Variants in BTD observed in about 807,000 individuals in gnomAD.
BTD encodes biocytinase.
Under a neutral mutation model 17.7 loss-of-function variants are expected in BTD, and 13 were observed. The observed-to-expected ratio is 0.74, with a 90% confidence interval of 0.48 to 1.17. The LOEUF is 1.17. Ranked by LOEUF, BTD falls within the 50% of genes most tolerant of loss-of-function variation. The pLI, the probability that BTD is intolerant of heterozygous loss-of-function variation, is 0.00. For synonymous variants in BTD, 240 were observed against 245.2 expected (o/e 0.98, Z 0.20); for missense variants, 674 against 650.4 (o/e 1.04, Z -0.39).
rs1242168534 is a variant in BTD, at chr3:15,647,614, A to G, written c.*2126A>G. ...TGACAGAACAAAGTAGAGGACGGGA[A>G]AATAAATCATTTTCAGGGAAAAAAT... On this transcript the variant is annotated 3_prime_UTR_variant, in exon 4 of 4. Transcript: ENST00000643237. 2 of 152,248 alleles carry G rather than the reference A, an allele frequency of 1.3e-5. No individual in the cohort carries two copies. The highest frequency in any genetic ancestry group is 4.8e-5 in the African/African-American group (2 of 41,468). 9.4% of individuals were successfully genotyped at this position (152,248 alleles called of 1,614,324 possible).
chr3:15,701,167 C>G (rs2070543339), intron 3 of BTD, among the ~76,000 whole-genome samples: 1 of 152,148 alleles, frequency 6.6e-6, no homozygotes, highest in Admixed American at 6.5e-5. Flanking sequence ...ATATGAGAGC[C>G]ATTATTTCAA....
rs144124322 is a variant in BTD, at chr3:15,631,410, C to T, written c.-16-4014C>T. 3.1e-3 allele frequency: 4,752 copies of T among 1,509,116 alleles called. 8 individuals carry two copies. Among genetic ancestry groups the T allele is most frequent in the Admixed American group, 5.3e-3 (267 of 50,474 alleles). The allele number at this position is 1,509,116 out of a possible 1,614,324, so 93.5% of individuals were successfully genotyped here. ...ATTAAGAATGCCTTAATAATAATCCCTCTCATTTTATTTCAGAAGACACTA... is the reference window on the plus strand; with the variant it reads ...ATTAAGAATGCCTTAATAATAATCCTTCTCATTTTATTTCAGAAGACACTA... On this transcript the variant is annotated intron_variant, in intron 1 of 3. Coordinates refer to ENST00000643237, the MANE Select transcript of BTD (RefSeq NM_001370658.1).
At chr3:15,707,943 T>G in intron 3 of BTD, 2 of 1,613,410 alleles carry the variant, frequency 1.2e-6, no homozygotes, top group Non-Finnish European at 1.7e-6. Context: ...GTGTCTGATG[T>G]AGCTGCATAG....
chr3:15,603,061 T>G (rs959417499), intron 1 of BTD, among the ~76,000 whole-genome samples: 1 of 152,068 alleles, frequency 6.6e-6, no homozygotes, highest in Admixed American at 6.6e-5. Context: ...AGACTTACTA[T>G]CATTAGAACA....
At chr3:15,642,388 C>A in intron 3 of BTD, 2 of 642,118 alleles carry the variant, frequency 3.1e-6, no homozygotes, top group Non-Finnish European at 4.9e-6. Context: ...AGAGAAACTG[C>A]CATCAACAAT....
chr3:15,612,987 G>A (rs1223937020), intron 1 of BTD, among the ~76,000 whole-genome samples: 1 of 152,166 alleles, frequency 6.6e-6, no homozygotes, highest in East Asian at 1.9e-4. Context: ...AAGGTCAGCC[G>A]GGGAGAGAGT....
intron 1 of BTD, among the ~76,000 whole-genome samples, chr3:15,619,520 A>G (rs1416568366): frequency 6.6e-6 from 1 of 152,198 alleles, no homozygotes; most frequent in Non-Finnish European, 1.5e-5. Flanking sequence ...TCACTTAGTC[A>G]TGGTGTATAA....
intron 3 of BTD, among the ~76,000 whole-genome samples, chr3:15,674,255 G>T (rs2066704983): frequency 6.7e-6 from 1 of 150,192 alleles, no homozygotes; most frequent in Non-Finnish European, 1.5e-5. Flanking sequence ...AAGGATCCAG[G>T]TCAGTCTGGT....
Position 15,649,781 on chromosome 3 carries a change from C to T in BTD, c.*4293C>T, listed in dbSNP as rs1419712163. ...ACTTTTTGAACTGGTGTTTCCCATT[C>T]CCAGTTCACAGAGCCCTTTCTCATT... is the stretch of plus-strand genomic sequence containing the variant. On this transcript the variant is annotated 3_prime_UTR_variant, in exon 4 of 4. Coordinates refer to ENST00000643237, the MANE Select transcript of BTD (RefSeq NM_001370658.1). Among the ~76,000 whole-genome samples the T allele has an allele frequency of 6.6e-6, 1 of 152,188 alleles. No individual in the cohort carries two copies. The highest frequency in any genetic ancestry group is 1.5e-5 in the Non-Finnish European group (1 of 68,042).
rs1164068827 is a variant in BTD, at chr3:15,650,469, T to C, written c.*4981T>C. On this transcript the variant is annotated 3_prime_UTR_variant, in exon 4 of 4. Coordinates refer to ENST00000643237, the MANE Select transcript of BTD (RefSeq NM_001370658.1). ...AAAAAAGAATATATTAACTCGTAAC[T>C]GGGGAGTCTAAGAATAAATTCTCTT... is the stretch of plus-strand genomic sequence containing the variant. Among the ~76,000 whole-genome samples, 1 of 152,002 alleles carries C rather than the reference T, an allele frequency of 6.6e-6. No homozygotes were observed. Among genetic ancestry groups the C allele is most frequent in the Non-Finnish European group, 1.5e-5 (1 of 67,990 alleles).
At chr3:15,620,306 C>T (rs921167369) in intron 1 of BTD, among the ~76,000 whole-genome samples, 4 of 152,152 alleles carry the variant, frequency 2.6e-5, no homozygotes, top group Middle Eastern at 3.2e-3. Flanking sequence ...ATTCCCAGAA[C>T]GGCCGTTTAT....
Position 15,601,891 on chromosome 3 carries a change from G to T in BTD, c.-20G>T, listed in dbSNP as rs756367542. On this transcript the variant is annotated 5_prime_UTR_variant, in exon 1 of 4. Transcript: ENST00000643237. ...ATTCAGGGCGGAAGGCGCGCTAAGA[G>T]CAGGTACGGAGGGGGCGTGGTGCGG... 6.2e-7 allele frequency: 1 copy of T among 1,613,978 alleles called. No individual in the cohort carries two copies. Among genetic ancestry groups the T allele is most frequent in the Non-Finnish European group, 8.5e-7 (1 of 1,180,042 alleles).
At chr3:15,694,519 T>G (rs1394630572) in intron 3 of BTD, among the ~76,000 whole-genome samples, 4 of 148,746 alleles carry the variant, frequency 2.7e-5, no homozygotes, top group Non-Finnish European at 4.5e-5. Context: ...CTGTCTGTCT[T>G]TTTTTTTTTT....
rs570904209 is a variant in BTD, at chr3:15,685,524, A to G, written c.400-24536A>G. On this transcript the variant is annotated intron_variant, in intron 3 of 3. Coordinates refer to the BTD transcript ENST00000672141. ...CCAATTTCAGCTAATTAAAAACTTTAAAGACCATACTCTCCATATCCTTCC... is the reference window on the plus strand; with the variant it reads ...CCAATTTCAGCTAATTAAAAACTTTGAAGACCATACTCTCCATATCCTTCC... The G allele has an allele frequency of 4.6e-6, 6 of 1,297,092 alleles. No individual in the cohort carries two copies. In the East Asian group the frequency reaches 1.4e-4, roughly 30 times the overall value. The allele number at this position is 1,297,092 out of a possible 1,614,324, so 80.3% of individuals were successfully genotyped here. A position where few individuals can be genotyped will look rare whatever the true frequency, so the allele number is the denominator to read the frequency against.
intron 3 of BTD, among the ~76,000 whole-genome samples, chr3:15,704,656 TG>T (rs1575264918): frequency 2.0e-5 from 3 of 152,286 alleles, no homozygotes; most frequent in East Asian, 3.9e-4. Flanking sequence ...AAGCTATTCC[TG>T]GGAATACAAT....
rs138768708 is a variant in BTD, at chr3:15,675,955, T to C, written c.399+33898T>C. 7.3e-4 allele frequency: 1,176 copies of C among 1,613,182 alleles called. 1 individual carries two copies. The highest frequency in any genetic ancestry group is 9.0e-4 in the Non-Finnish European group (1,059 of 1,179,366). ...TTTCCCAAAAGTTCCTGAACCACCA[T>C]TGTTAGCCCATTTCGGGCAGCAACA... is the stretch of plus-strand genomic sequence containing the variant. On this transcript the variant is annotated intron_variant, in intron 3 of 3. Transcript: ENST00000672141.
At chr3:15,620,876 A>G (rs908129872) in intron 1 of BTD, among the ~76,000 whole-genome samples, 3 of 152,242 alleles carry the variant, frequency 2.0e-5, no homozygotes, top group African/African-American at 7.2e-5. Flanking sequence ...GGCTCACACA[A>G]TTATGGAGGC....
intron 1 of BTD, among the ~76,000 whole-genome samples, chr3:15,622,639 A>G (rs1243654814): frequency 1.3e-5 from 2 of 152,150 alleles, no homozygotes; most frequent in Non-Finnish European, 2.9e-5. Flanking sequence ...TCCATTACTG[A>G]TAGAGGGGTG....
At chr3:15,602,139 C>T (rs2064278926) in intron 1 of BTD, 1 of 1,420,538 alleles carries the variant, frequency 7.0e-7, no homozygotes, top group African/African-American at 1.4e-5. Context: ...TTTTATAGTC[C>T]TTAAATTATT....
Sources: gnomAD v4.1 joint callset for allele counts (sites outside exome capture counted in the v4.1 genomes callset) on GRCh38, gnomAD v4.1.1 for gene constraint, MANE v1.5 for transcripts, NCBI Gene and HGNC (gene_info 2026-07-23, HGNC 2026-07-21) for gene names.